Variants in DLG2 observed in about 807,000 individuals in gnomAD.
DLG2 encodes discs large MAGUK scaffold protein 2.
In DLG2, 45 loss-of-function variants were observed where a neutral mutation model predicts 132.5. The observed-to-expected ratio is 0.34, with a 90% CI of 0.27 to 0.44. The LOEUF (loss-of-function observed/expected upper bound fraction) is 0.44, where lower values mean the gene tolerates loss of function less well. Among genes scored for constraint, DLG2 ranks in the 20% least tolerant of loss-of-function variants. The pLI is 1.00. For synonymous variants in DLG2, 424 were observed against 419.6 expected (o/e 1.01, Z -0.13); for missense variants, 1,045 against 1,196.9 (o/e 0.87, Z 1.87).
At chr11:85,271,271 C>T (rs376687736) in intron 4 of DLG2, among the ~76,000 whole-genome samples, 3 of 152,184 alleles carry the variant, frequency 2.0e-5, no homozygotes, top group South Asian at 4.1e-4. Flanking sequence ...TATGGGTACA[C>T]AGAAGTCAAG....
rs184392650 is a variant in DLG2, at chr11:85,002,152, A to T, written c.357+109509T>A. The stretch of plus-strand genomic sequence containing the variant: ...ATCTACTTGCTTCATCCTGGGATAC[A>T]CAGGTGTGATTTTTTTTTCTCAAAC... On this transcript the variant is annotated intron_variant, in intron 6 of 27. Transcript: ENST00000376104. 1.1e-4 allele frequency among the ~76,000 whole-genome samples: 16 copies of T among 152,242 alleles called. 1 individual carries two copies. The highest frequency in any genetic ancestry group is 5.2e-4 in the Admixed American group (8 of 15,272).
At chr11:84,989,347 TA>T (rs1422531038) in intron 6 of DLG2, among the ~76,000 whole-genome samples, 3 of 152,114 alleles carry the variant, frequency 2.0e-5, no homozygotes, top group African/African-American at 7.2e-5. Flanking sequence ...GGCTAATTTT[TA>T]TATTTTTAGT....
At chr11:83,922,679 G>A (rs1273818523) in intron 15 of DLG2, among the ~76,000 whole-genome samples, 1 of 152,072 alleles carries the variant, frequency 6.6e-6, no homozygotes, top group Admixed American at 6.6e-5. Context: ...TGTGGGAAGT[G>A]GGGAACAGAG....
chr11:84,650,873 G>GTATATATATATATATATA (rs71274437), intron 6 of DLG2, among the ~76,000 whole-genome samples: 20 of 123,952 alleles, frequency 1.6e-4, no homozygotes, highest in African/African-American at 4.8e-4. Context: ...GTGTGTGTGT[G>GTATATATATATATATATA]TATATATATA....
intron 8 of DLG2, chr11:84,166,989 G>A (rs766806516): frequency 1.9e-6 from 1 of 533,206 alleles, no homozygotes; most frequent in Admixed American, 1.9e-5. Flanking sequence ...ATAGTTTGGG[G>A]CCCGGAGAGC....
At chr11:84,424,750 G>A (rs1346788835) in intron 7 of DLG2, among the ~76,000 whole-genome samples, 1 of 152,036 alleles carries the variant, frequency 6.6e-6, no homozygotes, top group Non-Finnish European at 1.5e-5. Flanking sequence ...AGGACATTAT[G>A]GACATTCACA....
chr11:84,111,456 A>G (rs1260452826), intron 9 of DLG2, among the ~76,000 whole-genome samples: 2 of 152,140 alleles, frequency 1.3e-5, no homozygotes, highest in African/African-American at 4.8e-5. Context: ...CAGGGGCCCC[A>G]CTGTATTTGC....
intron 6 of DLG2, among the ~76,000 whole-genome samples, chr11:84,699,037 T>A (rs917482065): frequency 6.6e-6 from 1 of 151,564 alleles, no homozygotes; most frequent in African/African-American, 2.4e-5. Context: ...TGCTTATCAC[T>A]ACCCTCTGTG....
At chr11:83,459,972 G>A (rs1274686461) in intron 27 of DLG2, 48 bp from the exon 28 acceptor site, 1 of 1,099,718 alleles carries the variant, frequency 9.1e-7, no homozygotes, top group Non-Finnish European at 1.4e-6. Flanking sequence ...TTTCCTGGAT[G>A]GTGAAGAACA....
chr11:85,598,312 A>G (rs2079920397), intron 3 of DLG2, among the ~76,000 whole-genome samples: 1 of 152,138 alleles, frequency 6.6e-6, no homozygotes, highest in South Asian at 2.1e-4. Context: ...CTGAAGGAAG[A>G]CAACTTCCTT....
chr11:84,060,107 G>T (rs1263053276), intron 10 of DLG2, among the ~76,000 whole-genome samples: 1 of 152,096 alleles, frequency 6.6e-6, no homozygotes, highest in Non-Finnish European at 1.5e-5. Context: ...GAGGTCAGGG[G>T]TTCGAGACCA....
chr11:84,666,865 T>C (rs527747816), intron 6 of DLG2, among the ~76,000 whole-genome samples: 27 of 152,104 alleles, frequency 1.8e-4, no homozygotes, highest in Non-Finnish European at 3.5e-4. Context: ...CAAAATGGGA[T>C]CCAAATCCAA....
intron 6 of DLG2, among the ~76,000 whole-genome samples, chr11:85,074,718 GGA>G (rs2066301304): frequency 6.6e-6 from 1 of 151,832 alleles, no homozygotes; most frequent in Non-Finnish European, 1.5e-5. Context: ...GAATATAGGA[GGA>G]GACTTGAGGC....
At chr11:85,323,608 CTAACTG>C (rs2081235066) in intron 3 of DLG2, among the ~76,000 whole-genome samples, 1 of 152,184 alleles carries the variant, frequency 6.6e-6, no homozygotes, top group African/African-American at 2.4e-5. Flanking sequence ...TTCCTTCTAC[CTAACTG>C]TATTTTTCTA....
intron 6 of DLG2, among the ~76,000 whole-genome samples, chr11:84,891,673 T>C (rs953031727): frequency 3.9e-5 from 6 of 152,196 alleles, no homozygotes; most frequent in African/African-American, 1.4e-4. Context: ...ATCTTTATCA[T>C]GGCAACAAGG....
intron 6 of DLG2, among the ~76,000 whole-genome samples, chr11:84,564,148 C>T (rs1410444416): frequency 6.6e-6 from 1 of 152,084 alleles, no homozygotes; most frequent in African/African-American, 2.4e-5. Flanking sequence ...TGCAAGTGAC[C>T]CTAACTGAAG....
chr11:84,408,716 T>C (rs893199233), intron 7 of DLG2, among the ~76,000 whole-genome samples: 2 of 152,192 alleles, frequency 1.3e-5, no homozygotes. Flanking sequence ...CCTGACCTAA[T>C]GAGCCATGAT....
chr11:84,848,984 C>T (rs922281695), intron 6 of DLG2, among the ~76,000 whole-genome samples: 1 of 152,160 alleles, frequency 6.6e-6, no homozygotes, highest in African/African-American at 2.4e-5. Context: ...CTTAAGAAGG[C>T]CTGACAACTT....
At chr11:84,600,175 A>G (rs138109162) in intron 6 of DLG2, among the ~76,000 whole-genome samples, 297 of 116,758 alleles carry the variant, frequency 2.5e-3, no homozygotes, top group South Asian at 6.2e-3. Flanking sequence ...AAAGAAAGAA[A>G]GAAAGAAAGA....
Sources: allele counts gnomAD v4.1 joint callset (sites outside exome capture counted in the v4.1 genomes callset), GRCh38; gene constraint gnomAD v4.1.1; transcripts MANE v1.5; gene names NCBI Gene and HGNC (gene_info 2026-07-23, HGNC 2026-07-21).